Variants in CHRM3 observed in about 807,000 individuals in gnomAD.
CHRM3 encodes the protein muscarinic acetylcholine receptor M3.
A neutral mutation model predicts 41.8 loss-of-function variants in CHRM3; 11 were observed. The ratio of observed to expected loss-of-function variants is 0.26; its 90% confidence interval spans 0.17 to 0.44. The LOEUF (loss-of-function observed/expected upper bound fraction) is 0.44, where lower values mean the gene tolerates loss of function less well. CHRM3 is among the 20% of genes least tolerant of loss of function. CHRM3 has a pLI of 1.00. For missense variants in CHRM3, 571 were observed against 745.4 expected (o/e 0.77, Z 2.72); for synonymous variants, 297 against 301.4 (o/e 0.99, Z 0.15).
At chr1:239,739,453 G>C (rs1266759149) in intron 5 of CHRM3, among the ~76,000 whole-genome samples, 1 of 152,148 alleles carries the variant, frequency 6.6e-6, no homozygotes, top group African/African-American at 2.4e-5. Context: ...TTAGTCAGGT[G>C]AGCTAAATCA....
chr1:239,775,615 G>A (rs1668028541), intron 5 of CHRM3, among the ~76,000 whole-genome samples: 2 of 152,216 alleles, frequency 1.3e-5, no homozygotes, highest in Admixed American at 6.5e-5. Context: ...CCCGCAGGGA[G>A]TTTGATCAAG....
chr1:239,545,091 G>A (rs1659165121), intron 2 of CHRM3, among the ~76,000 whole-genome samples: 1 of 152,120 alleles, frequency 6.6e-6, no homozygotes, highest in South Asian at 2.1e-4. Flanking sequence ...TCACATCACG[G>A]GATAAGTTTG....
intron 6 of CHRM3, among the ~76,000 whole-genome samples, chr1:239,888,130 G>A (rs1328642012): frequency 6.6e-6 from 1 of 152,154 alleles, no homozygotes; most frequent in African/African-American, 2.4e-5. Flanking sequence ...GGGACGCCAA[G>A]GCAGGAGGAT....
intron 3 of CHRM3, among the ~76,000 whole-genome samples, chr1:239,627,711 C>G (rs1669147320): frequency 7.2e-6 from 1 of 138,016 alleles, no homozygotes; most frequent in South Asian, 2.6e-4. Flanking sequence ...GTGACAAAAT[C>G]TCTCAGCATT....
At chr1:239,390,942 G>C (rs575913255) in intron 1 of CHRM3, among the ~76,000 whole-genome samples, 1 of 152,310 alleles carries the variant, frequency 6.6e-6, no homozygotes, top group South Asian at 2.1e-4. Flanking sequence ...ATCAAGATCA[G>C]CCTAGGCAAC....
intron 2 of CHRM3, among the ~76,000 whole-genome samples, chr1:239,530,297 C>A (rs576018822): frequency 2.0e-5 from 3 of 152,114 alleles, no homozygotes; most frequent in Non-Finnish European, 2.9e-5. Flanking sequence ...TATTTCTCAG[C>A]TCCTCAAATT....
intron 5 of CHRM3, among the ~76,000 whole-genome samples, chr1:239,811,777 G>A (rs917847514): frequency 3.9e-5 from 6 of 152,110 alleles, no homozygotes; most frequent in Non-Finnish European, 7.3e-5. Flanking sequence ...TTCTCTAGGG[G>A]AAATTTCTAG....
chr1:239,903,862 G>A (rs1679766983), intron 6 of CHRM3, among the ~76,000 whole-genome samples: 1 of 152,142 alleles, frequency 6.6e-6, no homozygotes, highest in Non-Finnish European at 1.5e-5. Flanking sequence ...TCATTGTTGT[G>A]GTAGAGGAGC....
chr1:239,408,540 A>C (rs1044722062), intron 1 of CHRM3, among the ~76,000 whole-genome samples: 5 of 151,570 alleles, frequency 3.3e-5, no homozygotes, highest in Non-Finnish European at 5.9e-5. Context: ...AAAAAAAAAA[A>C]AAAACTCTCT....
chr1:239,583,212 A>G lies in CHRM3; in HGVS notation c.-313+37463A>G, dbSNP rs140521542. Among the ~76,000 whole-genome samples the G allele has an allele frequency of 3.1e-3, 472 of 152,348 alleles. 4 individuals carry two copies. Among genetic ancestry groups the G allele is most frequent in the African/African-American group, 0.011 (451 of 41,588 alleles). On this transcript the variant is annotated intron_variant, in intron 3 of 6. Transcript: ENST00000676153. ...GTATGAGTGAACCATACGGGAAGGC[A>G]GTATGTTAATACTATTTGTGTATTT...
chr1:239,497,866 G>T (rs1667985004), intron 2 of CHRM3, among the ~76,000 whole-genome samples: 1 of 152,230 alleles, frequency 6.6e-6, no homozygotes, highest in Non-Finnish European at 1.5e-5. Flanking sequence ...TCACTCATTA[G>T]ATCTCCAGGG....
rs151042404 is a variant in CHRM3 at position 239,573,802 on chromosome 1, G to A, written c.-313+28053G>A. Among the ~76,000 whole-genome samples the A allele has an allele frequency of 2.2e-3, 336 of 152,218 alleles. 1 individual carries two copies. Among genetic ancestry groups the A allele is most frequent in the African/African-American group, 7.9e-3 (330 of 41,550 alleles). ...GTATAATTATGCATATATTAATCAT[G>A]TTCTTTTAAATTTTGCATTCCTGAA... is the stretch of plus-strand genomic sequence containing the variant. On this transcript the variant is annotated intron_variant, in intron 3 of 6. Transcript: ENST00000676153.
intron 2 of CHRM3, among the ~76,000 whole-genome samples, chr1:239,522,325 C>T (rs1479678467): frequency 6.6e-6 from 1 of 152,186 alleles, no homozygotes; most frequent in African/African-American, 2.4e-5. Context: ...CGTTGGCCAC[C>T]AGCCGTCACC....
intron 3 of CHRM3, among the ~76,000 whole-genome samples, chr1:239,618,134 A>C (rs1667837767): frequency 6.6e-6 from 1 of 151,760 alleles, no homozygotes; most frequent in Non-Finnish European, 1.5e-5. Flanking sequence ...GTGACTTATT[A>C]CGTATTTTCC....
chr1:239,557,241 A>G (rs961139795), intron 3 of CHRM3, among the ~76,000 whole-genome samples: 1 of 152,174 alleles, frequency 6.6e-6, no homozygotes, highest in African/African-American at 2.4e-5. Flanking sequence ...GTTCTCTGTC[A>G]GTGTGATTCA....
intron 5 of CHRM3, among the ~76,000 whole-genome samples, chr1:239,817,099 T>G (rs563309518): frequency 4.6e-5 from 7 of 152,170 alleles, no homozygotes; most frequent in Admixed American, 4.6e-4. Context: ...GCCAAAAGCT[T>G]TGCATAATAT....
chr1:239,497,994 A>C (rs2148113441), intron 2 of CHRM3, among the ~76,000 whole-genome samples: 1 of 152,304 alleles, frequency 6.6e-6, no homozygotes, highest in African/African-American at 2.4e-5. Context: ...TTAAAATAAT[A>C]ATAACAGTAA....
At chr1:239,896,819 T>G (rs568994933) in intron 6 of CHRM3, among the ~76,000 whole-genome samples, 1 of 152,306 alleles carries the variant, frequency 6.6e-6, no homozygotes, top group East Asian at 1.9e-4. Context: ...CTCCAGACAT[T>G]GCCCAATATC....
intron 6 of CHRM3, among the ~76,000 whole-genome samples, chr1:239,881,226 T>A (rs1677581678): frequency 8.0e-6 from 1 of 125,098 alleles, no homozygotes. Context: ...GAGCTTGCAG[T>A]GAGCCGAGAT....
Sources: allele counts gnomAD v4.1 joint callset (sites outside exome capture counted in the v4.1 genomes callset), GRCh38; gene constraint gnomAD v4.1.1; transcripts MANE v1.5; gene names NCBI Gene and HGNC (gene_info 2026-07-23, HGNC 2026-07-21).